Variants in HOOK3 observed in about 807,000 individuals in gnomAD.
HOOK3 encodes the protein protein Hook homolog 3.
In HOOK3, 24 loss-of-function variants were observed where a neutral mutation model predicts 116.3. The observed-to-expected ratio is 0.21, with a 90% CI of 0.15 to 0.29. The LOEUF is 0.29. Ranked by LOEUF, HOOK3 falls within the 10% of genes least tolerant of loss-of-function variation. HOOK3 has a pLI of 1.00. For synonymous variants in HOOK3, 275 were observed against 283.0 expected, an observed-to-expected ratio of 0.97 and a Z score of 0.28; for missense variants, 632 against 830.2, an observed-to-expected ratio of 0.76 and a Z score of 2.93.
Position 43,026,657 on chromosome 8 carries a change from C to T in HOOK3, c.*8159C>T. 1 of 220,982 alleles carries T rather than the reference C, an allele frequency of 4.5e-6. No homozygotes were observed. Among genetic ancestry groups the T allele is most frequent in the Non-Finnish European group, 9.1e-6 (1 of 110,236 alleles). The allele number at this position is 220,982 out of a possible 1,614,324, so 13.7% of individuals were successfully genotyped here. A position where few individuals can be genotyped will look rare whatever the true frequency, so the allele number is the denominator to read the frequency against. On this transcript the variant is annotated 3_prime_UTR_variant, in exon 22 of 22. Coordinates refer to ENST00000307602, the MANE Select transcript of HOOK3 (RefSeq NM_032410.4). ...TTCTTACCTTTGGTTTGCCTGCCTC[C>T]TGAAACACAAACCTGCAGATTGCCC...
At chr8:42,999,299 C>T (rs1433692066) in intron 16 of HOOK3, among the ~76,000 whole-genome samples, 2 of 152,200 alleles carry the variant, frequency 1.3e-5, no homozygotes, top group African/African-American at 4.8e-5. Context: ...CTAGCCCTGT[C>T]AAGTACTATT....
chr8:42,916,662 C>T (rs889824863), intron 2 of HOOK3, among the ~76,000 whole-genome samples: 1 of 152,172 alleles, frequency 6.6e-6, no homozygotes, highest in Non-Finnish European at 1.5e-5. Context: ...CTGCACCAGA[C>T]AGTATAATCC....
At chr8:42,909,549 A>T (rs2130329071) in intron 2 of HOOK3, among the ~76,000 whole-genome samples, 1 of 152,318 alleles carries the variant, frequency 6.6e-6, no homozygotes, top group African/African-American at 2.4e-5. Flanking sequence ...CTGCAGCCTC[A>T]AACTCCCAGG....
intron 2 of HOOK3, among the ~76,000 whole-genome samples, chr8:42,911,177 T>C (rs955943590): frequency 2.0e-5 from 3 of 152,028 alleles, no homozygotes; most frequent in African/African-American, 7.2e-5. Flanking sequence ...AGAGGTCGGG[T>C]GCGGTGGCTC....
chr8:43,018,242 C>A, intron 21 of HOOK3, 116 bp from the exon 22 acceptor site: 1 of 938,468 alleles, frequency 1.1e-6, no homozygotes, highest in Non-Finnish European at 1.5e-6. Context: ...GTAGTATTAA[C>A]ATTCCTAATT....
intron 19 of HOOK3, 41 bp from the exon 20 acceptor site, chr8:43,013,010 G>T: frequency 8.1e-7 from 1 of 1,235,242 alleles, no homozygotes; most frequent in Non-Finnish European, 1.2e-6. Flanking sequence ...CATTCTTTAA[G>T]TTTGAGACTT....
chr8:42,972,527 T>A (rs1419762075), intron 11 of HOOK3, among the ~76,000 whole-genome samples: 19 of 152,150 alleles, frequency 1.2e-4, no homozygotes. Flanking sequence ...TCTTCCCACC[T>A]CAGCCTCCTG....
At chr8:42,942,092 C>G (rs1230616093) in intron 4 of HOOK3, among the ~76,000 whole-genome samples, 2 of 152,114 alleles carry the variant, frequency 1.3e-5, no homozygotes, top group Admixed American at 6.5e-5. Flanking sequence ...AATCCCGTCT[C>G]TACTAAAAAT....
chr8:42,926,918 G>A (rs537972039), intron 3 of HOOK3, among the ~76,000 whole-genome samples: 67 of 152,148 alleles, frequency 4.4e-4, no homozygotes, highest in South Asian at 3.5e-3. Flanking sequence ...CCCTAATCCC[G>A]TGCAACCCCT....
intron 16 of HOOK3, among the ~76,000 whole-genome samples, chr8:43,001,305 T>A (rs767905137): frequency 1.7e-4 from 26 of 152,188 alleles, no homozygotes; most frequent in Non-Finnish European, 3.4e-4. Flanking sequence ...TCAAAAGAAC[T>A]TAGTGTGAGG....
rs1809890707 is a variant in HOOK3 at position 43,024,225 on chromosome 8, A to C, written c.*5727A>C. On this transcript the variant is annotated 3_prime_UTR_variant, in exon 22 of 22. Transcript: ENST00000307602. Reference sequence around the variant, plus strand: ...TTGTTGTCTATTCATGAAACTGTAGAAGAATATTTTGAGTTTTTATTCTTA... The same window carrying C: ...TTGTTGTCTATTCATGAAACTGTAGCAGAATATTTTGAGTTTTTATTCTTA... The C allele has an allele frequency of 4.9e-6, 1 of 202,058 alleles. No homozygotes were observed. The highest frequency in any genetic ancestry group is 2.3e-5 in the African/African-American group (1 of 43,646). 12.5% of individuals were successfully genotyped at this position (202,058 alleles called of 1,614,324 possible). A position where few individuals can be genotyped will look rare whatever the true frequency, so the allele number is the denominator to read the frequency against.
rs570954851 is a variant in HOOK3, at chr8:43,013,026, A to G, written c.1840-25A>G. ...ATTCTTTAAGTTTGAGACTTTTTAA[A>G]TTTTTCTTTTATTATTTTTTGCAGG... On this transcript the variant is annotated intron_variant, in intron 19 of 21. Coordinates refer to ENST00000307602, the MANE Select transcript of HOOK3 (RefSeq NM_032410.4). The G allele has an allele frequency of 3.4e-5, 49 of 1,435,438 alleles. No homozygotes were observed. The South Asian group carries it at 5.7e-4, about 17-fold the overall frequency. 88.9% of individuals were successfully genotyped at this position (1,435,438 alleles called of 1,614,324 possible).
At chr8:42,940,349 G>A (rs1808085686) in intron 4 of HOOK3, among the ~76,000 whole-genome samples, 3 of 152,256 alleles carry the variant, frequency 2.0e-5, no homozygotes. Flanking sequence ...AGGCGTGGCG[G>A]CGCGCGCCCG....
chr8:42,925,499 C>T, intron 2 of HOOK3, 58 bp from the exon 3 acceptor site: 1 of 1,154,418 alleles, frequency 8.7e-7, no homozygotes, highest in South Asian at 1.4e-5. Context: ...ATTCAATTTT[C>T]TTTGTTTAGC....
chr8:42,903,390 G>A (rs1267296575), intron 1 of HOOK3, among the ~76,000 whole-genome samples: 1 of 140,238 alleles, frequency 7.1e-6, no homozygotes, highest in East Asian at 2.0e-4. Flanking sequence ...TGTGGCCCAG[G>A]TTGGAGTGCA....
chr8:42,910,020 C>T (rs1013110198), intron 2 of HOOK3, among the ~76,000 whole-genome samples: 5 of 152,158 alleles, frequency 3.3e-5, no homozygotes, highest in African/African-American at 1.2e-4. Context: ...TATTGCAAAG[C>T]ATGGTGACCA....
At chr8:42,911,758 A>G (rs986901304) in intron 2 of HOOK3, among the ~76,000 whole-genome samples, 2 of 152,190 alleles carry the variant, frequency 1.3e-5, no homozygotes, top group African/African-American at 4.8e-5. Context: ...TTTTAACTTA[A>G]GCAAATACAC....
intron 19 of HOOK3, among the ~76,000 whole-genome samples, chr8:43,012,559 A>T (rs916238116): frequency 6.6e-6 from 1 of 152,156 alleles, no homozygotes; most frequent in African/African-American, 2.4e-5. Flanking sequence ...CCCATAAAAA[A>T]TTTTTACTTC....
chr8:42,984,368 CAA>C (rs773025748), intron 14 of HOOK3, among the ~76,000 whole-genome samples: 4 of 121,744 alleles, frequency 3.3e-5, no homozygotes, highest in African/African-American at 6.1e-5. Context: ...AACTCCATCT[CAA>C]AAAAAAAAAA....
Sources: gnomAD v4.1 joint callset for allele counts (sites outside exome capture counted in the v4.1 genomes callset) on GRCh38, gnomAD v4.1.1 for gene constraint, MANE v1.5 for transcripts, NCBI Gene and HGNC (gene_info 2026-07-23, HGNC 2026-07-21) for gene names.